The following DOCK4 variants were observed in gnomAD, a reference collection of about 807,000 sequenced individuals.
The protein encoded by DOCK4 is dedicator of cytokinesis protein 4.
A neutral mutation model predicts 268.1 loss-of-function variants in DOCK4; 97 were observed. That is an observed-to-expected ratio of 0.36 (90% CI 0.31 to 0.43). DOCK4 has a LOEUF of 0.43. Ranked by LOEUF, DOCK4 falls within the 20% of genes least tolerant of loss-of-function variation. The pLI is 1.00. For missense variants in DOCK4, 2,145 were observed against 2,455.7 expected (o/e 0.87, Z 2.67); for synonymous variants, 954 against 887.2 (o/e 1.08, Z -1.34).
At chr7:111,962,321 T>C (rs1017150054) in intron 8 of DOCK4, among the ~76,000 whole-genome samples, 1 of 152,214 alleles carries the variant, frequency 6.6e-6, no homozygotes, top group East Asian at 1.9e-4. Flanking sequence ...ATAATCATTC[T>C]AATAACTAAG....
At chr7:112,143,152 TA>T (rs1385895322) in intron 1 of DOCK4, among the ~76,000 whole-genome samples, 27 of 146,264 alleles carry the variant, frequency 1.8e-4, no homozygotes, top group South Asian at 2.2e-4. Flanking sequence ...ACCAAAAGGT[TA>T]AAAAAAAAAG....
intron 23 of DOCK4, among the ~76,000 whole-genome samples, chr7:111,852,504 G>GA (rs201775481): frequency 0.18 from 20,249 of 111,628 alleles, 1,961 homozygotes; most frequent in African/African-American, 0.33. Context: ...AAAAGAACCA[G>GA]AAAAAAAAAA....
chr7:111,769,389 CT>C, intron 37 of DOCK4, 139 bp downstream of exon 37: 1 of 1,068,588 alleles, frequency 9.4e-7, no homozygotes, highest in Non-Finnish European at 1.3e-6. Flanking sequence ...TTTTAACAAG[CT>C]TTTGGGTGTT....
At chr7:111,962,797 T>C (rs1311553115) in intron 8 of DOCK4, among the ~76,000 whole-genome samples, 3 of 152,216 alleles carry the variant, frequency 2.0e-5, no homozygotes, top group Admixed American at 6.5e-5. Flanking sequence ...GAAGTGATGT[T>C]AGGAAAAATA....
Position 111,872,371 on chromosome 7 carries a change from G to A in DOCK4, c.1843-19C>T. 6.5e-7 allele frequency: 1 copy of A among 1,531,908 alleles called. No individual in the cohort carries two copies. Among genetic ancestry groups the A allele is most frequent in the Non-Finnish European group, 8.8e-7 (1 of 1,134,588 alleles). The allele number at this position is 1,531,908 out of a possible 1,614,324, so 94.9% of individuals were successfully genotyped here. ...GCAGAAACTGTTAGATAAAGAAGTA[G>A]CAAATGAGTAAATAAGATACTATCT... On this transcript the variant is annotated intron_variant, in intron 18 of 52. Coordinates refer to ENST00000428084, the MANE Select transcript of DOCK4 (RefSeq NM_001363540.2).
chr7:111,896,743 C>T (rs1442961957), intron 15 of DOCK4, among the ~76,000 whole-genome samples: 1 of 152,114 alleles, frequency 6.6e-6, no homozygotes, highest in African/African-American at 2.4e-5. Context: ...GTTAGCAACA[C>T]AGCATTTAAT....
intron 8 of DOCK4, 28 bp from the exon 9 acceptor site, chr7:111,945,826 T>A: frequency 6.6e-7 from 1 of 1,516,806 alleles, no homozygotes; most frequent in Non-Finnish European, 9.0e-7. Flanking sequence ...TTTAACAATT[T>A]GAAAATTATT....
At position 112,097,742 on chromosome 7, in the gene DOCK4, T is replaced by C. The variant is rs539060093; in HGVS notation, c.38-93611A>G. Among the ~76,000 whole-genome samples, 5 of 152,330 alleles carry C rather than the reference T, an allele frequency of 3.3e-5. 1 individual carries two copies. The South Asian group carries it at 6.2e-4, about 19-fold the overall frequency. ...CAGAACTTGGTCATTCCTGGGCCTA[T>C]GAAAATAGCTCAGTAATGAATTTCC... On this transcript the variant is annotated intron_variant, in intron 1 of 52. Coordinates refer to ENST00000428084, the MANE Select transcript of DOCK4 (RefSeq NM_001363540.2).
In DOCK4 at chr7:111,728,016, A is replaced by G; in HGVS notation, c.*258T>C. 1 of 381,012 alleles carries G rather than the reference A, an allele frequency of 2.6e-6. No homozygotes were observed. The highest frequency in any genetic ancestry group is 4.6e-6 in the Non-Finnish European group (1 of 215,920). The allele number at this position is 381,012 out of a possible 1,614,324, so 23.6% of individuals were successfully genotyped here. A position where few individuals can be genotyped will look rare whatever the true frequency, so the allele number is the denominator to read the frequency against. On this transcript the variant is annotated 3_prime_UTR_variant, in exon 53 of 53. Transcript: ENST00000428084. The stretch of plus-strand genomic sequence containing the variant: ...AAAAAAGTGAACATAAAAAGGTACA[A>G]AAGGAGTCTTTATCACTATTTACCA...
Position 111,989,066 on chromosome 7 carries a change from C to T in DOCK4, c.413G>A (p.Arg138Gln), listed in dbSNP as rs1357541240. ...QVLVGHLTHD[R>Q]MKDVKRHITA... ...AATGTGGCGCTTCACGTCCTTCATC[C>T]GGTCGTGGGTGAGGTGGCCCACCAG... Residue 138 changes from arginine (R) to glutamine (Q), a missense_variant, in exon 6 of 53, where the codon CGG becomes CAG. Around this residue, in one of 2 missense-constraint regions of DOCK4, gnomAD observed 1,598 missense variants for 1,986.7 expected, o/e 0.80. Coordinates refer to ENST00000428084, the MANE Select transcript of DOCK4 (RefSeq NM_001363540.2). The T allele has an allele frequency of 3.1e-6, 5 of 1,613,888 alleles. No individual in the cohort carries two copies. The highest frequency in any genetic ancestry group is 1.7e-5 in the Admixed American group (1 of 60,010).
chr7:111,761,632 G>A (rs1432049370), intron 39 of DOCK4, among the ~76,000 whole-genome samples: 1 of 152,116 alleles, frequency 6.6e-6, no homozygotes, highest in Non-Finnish European at 1.5e-5. Context: ...CGTAAAGAGG[G>A]ACTCCAGGCC....
chr7:111,863,261 G>T, intron 23 of DOCK4, 111 bp downstream of exon 23: 1 of 1,143,024 alleles, frequency 8.7e-7, no homozygotes, highest in South Asian at 1.3e-5. Context: ...CAATGGTTTT[G>T]AGAAAATGCC....
intron 30 of DOCK4, among the ~76,000 whole-genome samples, chr7:111,790,854 C>T (rs570854886): frequency 7.9e-5 from 12 of 151,528 alleles, no homozygotes; most frequent in African/African-American, 1.9e-4. Context: ...GTCAGGAGAT[C>T]GAGACCATCC....
At position 111,872,024 on chromosome 7, in the gene DOCK4, T is replaced by C. The variant is rs1312620665; in HGVS notation, c.1993A>G (p.Ile665Val). 1 of 1,559,400 alleles carries C rather than the reference T, an allele frequency of 6.4e-7. No individual in the cohort carries two copies. Among genetic ancestry groups the C allele is most frequent in the African/African-American group, 1.4e-5 (1 of 73,736 alleles). ...AGTGCCCCAGCAAAATGACTCTCAA[T>C]GTAAGTGTCCATTACAGGTTTAAAA... is the stretch of plus-strand genomic sequence containing the variant. ...HHFKPVMDTYIESHFAGALAY... is the reference protein window; with the variant it reads ...HHFKPVMDTYVESHFAGALAY... Residue 665 changes from isoleucine (I) to valine (V), a missense_variant, in exon 20 of 53, where the codon ATT (isoleucine) becomes GTT (valine). Coordinates refer to ENST00000428084, the MANE Select transcript of DOCK4 (RefSeq NM_001363540.2).
chr7:112,120,788 C>T lies in DOCK4; in HGVS notation c.37+85314G>A, dbSNP rs968029004. Among the ~76,000 whole-genome samples the T allele has an allele frequency of 6.6e-5, 10 of 152,320 alleles. No individual in the cohort carries two copies. The South Asian group carries it at 2.1e-3, about 32-fold the overall frequency. ...TACTGAATATTAATGACCTCAGAGGCCTGATTCCATGATCTTGTGAGCTTC... is the reference window on the plus strand; with the variant it reads ...TACTGAATATTAATGACCTCAGAGGTCTGATTCCATGATCTTGTGAGCTTC... On this transcript the variant is annotated intron_variant, in intron 1 of 52. Coordinates refer to ENST00000428084, the MANE Select transcript of DOCK4 (RefSeq NM_001363540.2).
In DOCK4 at chr7:111,872,582, G is replaced by A; in HGVS notation, c.1745-18C>T. The A allele has an allele frequency of 6.4e-7, 1 of 1,559,776 alleles. No homozygotes were observed. The highest frequency in any genetic ancestry group is 8.7e-7 in the Non-Finnish European group (1 of 1,151,288). Reference sequence around the variant, plus strand: ...CATATCACCTTTCAAAATAGAAAAGGAAGATTAATTGCCTTAATAGAGAAC... The same window carrying A: ...CATATCACCTTTCAAAATAGAAAAGAAAGATTAATTGCCTTAATAGAGAAC... On this transcript the variant is annotated intron_variant, in intron 17 of 52. Transcript: ENST00000428084.
intron 16 of DOCK4, among the ~76,000 whole-genome samples, chr7:111,894,333 T>C (rs887115727): frequency 2.0e-5 from 3 of 152,234 alleles, no homozygotes; most frequent in Non-Finnish European, 4.4e-5. Context: ...ATTCATTCAA[T>C]AATCTTCACT....
At chr7:111,883,607 T>C (rs962061946) in intron 16 of DOCK4, among the ~76,000 whole-genome samples, 5 of 152,188 alleles carry the variant, frequency 3.3e-5, no homozygotes, top group Non-Finnish European at 7.3e-5. Flanking sequence ...GTAGCTCAAC[T>C]GGTTGCCATG....
intron 1 of DOCK4, among the ~76,000 whole-genome samples, chr7:112,135,031 A>C (rs949983819): frequency 2.6e-5 from 4 of 152,060 alleles, no homozygotes; most frequent in East Asian, 1.9e-4. Flanking sequence ...ACCAAAAAAA[A>C]CCCCACAATT....
Sources: allele counts gnomAD v4.1 joint callset (sites outside exome capture counted in the v4.1 genomes callset), GRCh38; gene constraint gnomAD v4.1.1; regional missense constraint gnomAD v4.1.1; transcripts MANE v1.5; gene names NCBI Gene and HGNC (gene_info 2026-07-23, HGNC 2026-07-21).